RIMS3: variants seen among roughly 807,000 people sequenced by gnomAD.
The protein encoded by RIMS3 is regulating synaptic membrane exocytosis 3, also known as regulating synaptic membrane exocytosis protein 3.
RIMS3 carries 15 observed loss-of-function variants against 29.2 expected under a neutral mutation model. The ratio of observed to expected loss-of-function variants is 0.51; its 90% CI spans 0.34 to 0.79. RIMS3 has a LOEUF of 0.79. Ranked by LOEUF, RIMS3 falls within the 30% of genes least tolerant of loss-of-function variation. The pLI is 0.01. For missense variants in RIMS3, 342 were observed against 421.4 expected (o/e 0.81, Z 1.65); for synonymous variants, 161 against 170.1 (o/e 0.95, Z 0.41).
At chr1:40,653,951 C>T (rs1010874294) in intron 1 of RIMS3, among the ~76,000 whole-genome samples, 4 of 152,158 alleles carry the variant, frequency 2.6e-5, no homozygotes, top group African/African-American at 9.7e-5. Context: ...TCTGCTCCCC[C>T]TTCCTAGATG....
chr1:40,655,458 A>G (rs1407250682), intron 1 of RIMS3, among the ~76,000 whole-genome samples: 1 of 152,206 alleles, frequency 6.6e-6, no homozygotes, highest in Admixed American at 6.5e-5. Flanking sequence ...TGTGAAAACA[A>G]TGGCACAAAT....
rs1642393823 is a variant in RIMS3 at position 40,664,249 on chromosome 1, AC to A, written c.-207+1144del. 2.1e-5 allele frequency among the ~76,000 whole-genome samples: 3 copies of A among 140,352 alleles called. No homozygotes were observed. In the South Asian group the frequency reaches 7.3e-4, roughly 34 times the overall value. 92.1% of individuals were successfully genotyped at this position (140,352 alleles called of 152,430 possible). On this transcript the variant is annotated intron_variant, in intron 1 of 7. Transcript: ENST00000372684. Reference sequence around the variant, plus strand: ...CCAGCACATCCCTGCCAACCCACCCACCCCGCCTCCCAACCAAGAATGCCCC... The same window carrying A: ...CCAGCACATCCCTGCCAACCCACCCACCCGCCTCCCAACCAAGAATGCCCC...
In RIMS3 at chr1:40,655,146, A is replaced by G. The variant is rs140109006; in HGVS notation, c.-206-7304T>C. On this transcript the variant is annotated intron_variant, in intron 1 of 7. Coordinates refer to ENST00000372684, the MANE Select transcript of RIMS3 (RefSeq NM_014747.3). ...ACAAGCAGTCAGCACAAAGCGGTGG[A>G]CAAAGCGGGGAGTAGGGGAAGAGGG... 7.2e-3 allele frequency among the ~76,000 whole-genome samples: 1,094 copies of G among 152,294 alleles called. 10 individuals are homozygous for G. Among genetic ancestry groups the G allele is most frequent in the Non-Finnish European group, 0.012 (815 of 68,004 alleles).
chr1:40,650,563 C>A (rs1305487060), intron 1 of RIMS3, among the ~76,000 whole-genome samples: 3 of 152,034 alleles, frequency 2.0e-5, no homozygotes, highest in Non-Finnish European at 2.9e-5. Flanking sequence ...CTTTTCAGTC[C>A]TCAAAAGTAC....
At chr1:40,629,576 G>A (rs1646476761) in intron 5 of RIMS3, among the ~76,000 whole-genome samples, 1 of 152,108 alleles carries the variant, frequency 6.6e-6, no homozygotes, top group African/African-American at 2.4e-5. Flanking sequence ...CTTGGGGTGG[G>A]TTGGGGTAGG....
At chr1:40,670,341 T>C (rs1442453198), upstream of RIMS3, among the ~76,000 whole-genome samples, 2 of 151,606 alleles carry the variant, frequency 1.3e-5, no homozygotes, top group Non-Finnish European at 2.9e-5. Context: ...AGGGAGATCT[T>C]TGAATGCTCC....
intron 1 of RIMS3, among the ~76,000 whole-genome samples, chr1:40,653,643 C>T (rs1194295149): frequency 2.6e-5 from 4 of 152,186 alleles, no homozygotes; most frequent in Admixed American, 2.6e-4. Context: ...CAGCTCAATC[C>T]TAGTACAGGA....
At position 40,635,768 on chromosome 1, in the gene RIMS3, G is replaced by A. The variant is rs1646515027; in HGVS notation, c.359+148C>T. 34 of 983,130 alleles carry A rather than the reference G, an allele frequency of 3.5e-5. No homozygotes were observed. In the South Asian group the frequency reaches 3.9e-4, roughly 11 times the overall value. The allele number at this position is 983,130 out of a possible 1,614,324, so 60.9% of individuals were successfully genotyped here. A position where few individuals can be genotyped will look rare whatever the true frequency, so the allele number is the denominator to read the frequency against. ...TGAGGTCCAGGCACAGAGTGTTGAG[G>A]GGAGGGGTATGAAGGAAGGCAGAGA... On this transcript the variant is annotated intron_variant, in intron 4 of 7. Coordinates refer to ENST00000372684, the MANE Select transcript of RIMS3 (RefSeq NM_014747.3). The surrounding 1 kb of genome is among the most constrained non-coding windows in gnomAD (Gnocchi z 4.1).
chr1:40,639,157 A>G (rs905262627), intron 3 of RIMS3, among the ~76,000 whole-genome samples: 2 of 152,230 alleles, frequency 1.3e-5, no homozygotes, highest in Non-Finnish European at 2.9e-5. Flanking sequence ...CCCAGAAGAC[A>G]GAGTCCAGGA....
rs1445417896 is a variant in RIMS3, at chr1:40,629,145, T to C, written c.574+126A>G. ...TACTCCCCCACCTAGTCACTGGCCT[T>C]CCAGGCAAGCTGTGACTCCACTGTA... On this transcript the variant is annotated intron_variant, in intron 6 of 7. Coordinates refer to ENST00000372684, the MANE Select transcript of RIMS3 (RefSeq NM_014747.3). 8.2e-6 allele frequency: 9 copies of C among 1,094,726 alleles called. No individual in the cohort carries two copies. The African/African-American group carries it at 1.4e-4, about 17-fold the overall frequency. 67.8% of individuals were successfully genotyped at this position (1,094,726 alleles called of 1,614,324 possible).
chr1:40,628,156 C>G (rs916192697), intron 7 of RIMS3, among the ~76,000 whole-genome samples: 1 of 152,188 alleles, frequency 6.6e-6, no homozygotes, highest in African/African-American at 2.4e-5. Flanking sequence ...CACATCTACC[C>G]GCGGCTAATG....
chr1:40,629,569 GGGGT>G (rs1646476715), intron 5 of RIMS3, among the ~76,000 whole-genome samples, 197 bp from the exon 6 acceptor site: 1 of 152,172 alleles, frequency 6.6e-6, no homozygotes, highest in African/African-American at 2.4e-5. Context: ...TAGGTCCCTT[GGGGT>G]GGGTTGGGGT....
Position 40,629,365 on chromosome 1 carries a change from C to T in RIMS3, c.480G>A (p.Val160=). The change falls in exon 6 of 8, where the codon GTG becomes GTA. Residue 160 remains valine, a synonymous_variant. Coordinates refer to ENST00000372684, the MANE Select transcript of RIMS3 (RefSeq NM_014747.3). ...QTLATPPMGD[V]HIAIMDRSGQ... ...CACTCCGGTCCATGATGGCAATGTG[C>T]ACATCTCCTGAAAGGAAGAAGAGGG... 6.2e-7 allele frequency: 1 copy of T among 1,613,958 alleles called. No homozygotes were observed. Among genetic ancestry groups the T allele is most frequent in the Non-Finnish European group, 8.5e-7 (1 of 1,179,830 alleles).
rs543466699 is a variant in RIMS3, at chr1:40,638,819, A to G, written c.218-2762T>C. Among the ~76,000 whole-genome samples the G allele has an allele frequency of 2.6e-5, 4 of 152,320 alleles. No homozygotes were observed. In the East Asian group the frequency reaches 7.7e-4, roughly 29 times the overall value. On this transcript the variant is annotated intron_variant, in intron 3 of 7. Coordinates refer to ENST00000372684, the MANE Select transcript of RIMS3 (RefSeq NM_014747.3). ...ATCCAGAAGGAAACTGGGAGAGAGC[A>G]TTTTAGCTCCATTTTACAGAAGAGG...
chr1:40,641,060 A>T (rs1004163097), intron 3 of RIMS3, among the ~76,000 whole-genome samples: 6 of 152,244 alleles, frequency 3.9e-5, no homozygotes, highest in African/African-American at 1.4e-4. Flanking sequence ...TGTGCTTTGT[A>T]ACATATACAT....
At chr1:40,650,819 T>C (rs1286644394) in intron 1 of RIMS3, among the ~76,000 whole-genome samples, 3 of 132,480 alleles carry the variant, frequency 2.3e-5, no homozygotes, top group African/African-American at 9.0e-5. Context: ...TGAGCCGAGA[T>C]TGCAACACTG....
chr1:40,643,067 G>A (rs1646569628), intron 2 of RIMS3, among the ~76,000 whole-genome samples: 1 of 152,068 alleles, frequency 6.6e-6, no homozygotes, highest in Non-Finnish European at 1.5e-5. Flanking sequence ...AAGTATTTCA[G>A]TAGAGTTACC....
intron 5 of RIMS3, among the ~76,000 whole-genome samples, chr1:40,632,422 A>ATT (rs1294207638): frequency 6.2e-5 from 1 of 16,160 alleles, no homozygotes; most frequent in Admixed American, 4.2e-4. Context: ...ATAAATTTAT[A>ATT]TATATATATA....
the RIMS3 span, among the ~76,000 whole-genome samples, chr1:40,680,485 C>A: frequency 6.6e-6 from 1 of 152,014 alleles, no homozygotes; most frequent in African/African-American, 2.4e-5. Context: ...GTGTCTGCCA[C>A]CATACCCGGC....
Sources: gnomAD v4.1 joint callset for allele counts (sites outside exome capture counted in the v4.1 genomes callset) on GRCh38, gnomAD v4.1.1 for gene constraint, Gnocchi (gnomAD v3.1) non-coding constraint, MANE v1.5 for transcripts, NCBI Gene and HGNC (gene_info 2026-07-23, HGNC 2026-07-21) for gene names.